PCBP3: variants seen among roughly 807,000 people sequenced by gnomAD.
PCBP3 encodes poly(rC)-binding protein 3.
Under a neutral mutation model 52.7 loss-of-function variants are expected in PCBP3, and 25 were observed. The observed-to-expected ratio is 0.47, with a 90% confidence interval of 0.35 to 0.66. The LOEUF is 0.66. Ranked by LOEUF, PCBP3 falls within the 30% of genes least tolerant of loss-of-function variation. The probability of loss-of-function intolerance (pLI) is 0.01; values close to 1 mark genes in which losing one functional copy is unlikely to be tolerated. For synonymous variants in PCBP3, 162 were observed against 183.0 expected, an observed-to-expected ratio of 0.89 and a Z score of 0.93; for missense variants, 391 against 490.3, an observed-to-expected ratio of 0.80 and a Z score of 1.91.
At chr21:45,814,648 GGTGA>G (rs1344382914) in intron 4 of PCBP3, among the ~76,000 whole-genome samples, 7,701 of 115,270 alleles carry the variant, frequency 0.067, 806 homozygotes, top group Non-Finnish European at 0.084. Flanking sequence ...GTGAGTGAGT[GGTGA>G]GTGAGTGGTG....
At position 45,678,711 on chromosome 21, in the gene PCBP3, C is replaced by T. The variant is rs539959669; in HGVS notation, c.-200+9759C>T. The stretch of plus-strand genomic sequence containing the variant: ...AGCAGAAAAGTGGTTACTTGAGATG[C>T]AGTCTACTAGTAGTGAAGATGCTGT... On this transcript the variant is annotated intron_variant, in intron 2 of 17. Transcript: ENST00000681687. Among the ~76,000 whole-genome samples the T allele has an allele frequency of 3.4e-4, 51 of 151,702 alleles. 1 individual carries two copies. The highest frequency in any genetic ancestry group is 1.0e-3 in the African/African-American group (43 of 41,352).
intron 2 of PCBP3, among the ~76,000 whole-genome samples, chr21:45,715,307 T>C (rs928953799): frequency 2.8e-4 from 42 of 152,222 alleles, no homozygotes; most frequent in Admixed American, 2.7e-3. Flanking sequence ...TGTTGACAAC[T>C]TTTTAATCTT....
intron 4 of PCBP3, among the ~76,000 whole-genome samples, chr21:45,770,107 G>A (rs958760497): frequency 4.8e-4 from 73 of 152,308 alleles, no homozygotes; most frequent in African/African-American, 1.4e-3. Flanking sequence ...CATAATCGAC[G>A]GCGACCCGGC....
At chr21:45,758,748 G>A (rs2088321185) in intron 4 of PCBP3, among the ~76,000 whole-genome samples, 1 of 151,608 alleles carries the variant, frequency 6.6e-6, no homozygotes, top group African/African-American at 2.4e-5. Flanking sequence ...ACTTCTCTTA[G>A]GGTACTTACT....
chr21:45,769,390 C>T (rs568645659), intron 4 of PCBP3, among the ~76,000 whole-genome samples: 12 of 152,366 alleles, frequency 7.9e-5, no homozygotes, highest in African/African-American at 2.2e-4. Flanking sequence ...CATTAGAAGA[C>T]GCGGGTGCTC....
At chr21:45,772,095 C>T (rs2089915203) in intron 4 of PCBP3, among the ~76,000 whole-genome samples, 1 of 152,092 alleles carries the variant, frequency 6.6e-6, no homozygotes, top group Non-Finnish European at 1.5e-5. Flanking sequence ...GTGTCCATCA[C>T]CTGAATACAA....
At chr21:45,726,909 A>G (rs945882588) in intron 2 of PCBP3, among the ~76,000 whole-genome samples, 2 of 152,142 alleles carry the variant, frequency 1.3e-5, no homozygotes, top group Non-Finnish European at 2.9e-5. Flanking sequence ...TTTTTTCTGT[A>G]TATATTCTGG....
chr21:45,820,273 A>C (rs2093092349), intron 4 of PCBP3, among the ~76,000 whole-genome samples: 1 of 152,242 alleles, frequency 6.6e-6, no homozygotes, highest in African/African-American at 2.4e-5. Context: ...GGCAGTGGGC[A>C]CCACGGGCCA....
rs562985226 is a variant in PCBP3, at chr21:45,785,081, C to T, written c.-126+29629C>T. On this transcript the variant is annotated intron_variant, in intron 4 of 17. Transcript: ENST00000681687. ...AGCGCCTCTGCCCTGTCGCCCCGTC[C>T]GGGATGTGAGGAGCATCTCTGCCCG... 9.8e-3 allele frequency among the ~76,000 whole-genome samples: 1,467 copies of T among 150,106 alleles called. 8 individuals are homozygous for T. The highest frequency in any genetic ancestry group is 0.018 in the Middle Eastern group (5 of 280).
intron 2 of PCBP3, among the ~76,000 whole-genome samples, chr21:45,677,550 G>C (rs1186876285): frequency 6.6e-6 from 1 of 152,334 alleles, no homozygotes; most frequent in African/African-American, 2.4e-5. Context: ...CTACACTAAG[G>C]AACAGATTTT....
chr21:45,646,695 C>T (rs1269248660), intron 1 of PCBP3, among the ~76,000 whole-genome samples: 2 of 152,240 alleles, frequency 1.3e-5, no homozygotes, highest in Middle Eastern at 3.2e-3. Context: ...CTCAATACTG[C>T]TTCTGCATTG....
chr21:45,814,892 A>ATGAGTGGTGGG (rs2092824333), intron 4 of PCBP3, among the ~76,000 whole-genome samples: 4 of 78,364 alleles, frequency 5.1e-5, no homozygotes, highest in Admixed American at 1.2e-4. Flanking sequence ...GTGGTGAGTG[A>ATGAGTGGTGGG]TGAGTGGTGA....
At chr21:45,686,966 A>G (rs2082189730) in intron 2 of PCBP3, among the ~76,000 whole-genome samples, 1 of 152,212 alleles carries the variant, frequency 6.6e-6, no homozygotes, top group Non-Finnish European at 1.5e-5. Context: ...ATATTTGAAG[A>G]AACAATGGCA....
intron 4 of PCBP3, among the ~76,000 whole-genome samples, chr21:45,779,965 G>A (rs1271097850): frequency 1.3e-5 from 2 of 152,190 alleles, no homozygotes. Flanking sequence ...AAATAGGCCT[G>A]CACAAACGTG....
chr21:45,709,975 A>G (rs1320190299), intron 2 of PCBP3, among the ~76,000 whole-genome samples: 3 of 152,024 alleles, frequency 2.0e-5, no homozygotes, highest in Non-Finnish European at 4.4e-5. Context: ...TTTTCTGGTG[A>G]TTAGTTATGG....
intron 16 of PCBP3, among the ~76,000 whole-genome samples, 167 bp from the exon 17 acceptor site, chr21:45,939,863 C>A (rs902292405): frequency 6.6e-6 from 1 of 152,160 alleles, no homozygotes; most frequent in Non-Finnish European, 1.5e-5. Flanking sequence ...TCAGGCACCA[C>A]CTGCAGGCAG....
intron 2 of PCBP3, among the ~76,000 whole-genome samples, chr21:45,713,468 G>A (rs536656866): frequency 2.0e-5 from 3 of 152,332 alleles, no homozygotes; most frequent in African/African-American, 7.2e-5. Flanking sequence ...CACCTCGTCT[G>A]TCCATGCGGA....
At chr21:45,705,619 C>T (rs2083400767) in intron 2 of PCBP3, among the ~76,000 whole-genome samples, 1 of 152,200 alleles carries the variant, frequency 6.6e-6, no homozygotes, top group Non-Finnish European at 1.5e-5. Flanking sequence ...TGGACCCAAA[C>T]AGGGAACCTC....
chr21:45,938,144 C>A (rs936984752), intron 16 of PCBP3, among the ~76,000 whole-genome samples: 2 of 152,184 alleles, frequency 1.3e-5, no homozygotes, highest in Non-Finnish European at 2.9e-5. Flanking sequence ...AGAGGGTAGG[C>A]CCTGTTTGCA....
Sources: allele counts gnomAD v4.1 joint callset (sites outside exome capture counted in the v4.1 genomes callset), GRCh38; gene constraint gnomAD v4.1.1; transcripts MANE v1.5; gene names NCBI Gene and HGNC (gene_info 2026-07-23, HGNC 2026-07-21).